PARD3: variants seen among roughly 807,000 people sequenced by gnomAD.
PARD3 encodes par-3 family cell polarity regulator, also known as partitioning defective 3 homolog.
A neutral mutation model predicts 155.4 loss-of-function variants in PARD3; 75 were observed. The observed-to-expected ratio is 0.48, with a 90% CI of 0.40 to 0.58. The LOEUF is 0.58. Ranked by LOEUF, PARD3 falls within the 20% of genes least tolerant of loss-of-function variation. The pLI, the probability that PARD3 is intolerant of heterozygous loss-of-function variation, is 0.00. For missense variants in PARD3, 1,642 were observed against 1,721.7 expected, an observed-to-expected ratio of 0.95 and a Z score of 0.82; for synonymous variants, 576 against 610.5, an observed-to-expected ratio of 0.94 and a Z score of 0.83.
At chr10:34,777,003 A>ATTTT (rs758917237) in intron 1 of PARD3, among the ~76,000 whole-genome samples, 2,197 of 122,320 alleles carry the variant, frequency 0.018, 120 homozygotes, top group African/African-American at 0.071. Flanking sequence ...TGTCTGGCTA[A>ATTTT]TTTTTTTTTT....
At chr10:34,548,330 AAC>A (rs374603106) in intron 2 of PARD3, among the ~76,000 whole-genome samples, 1 of 151,606 alleles carries the variant, frequency 6.6e-6, no homozygotes, top group East Asian at 1.9e-4. Flanking sequence ...CTCTACTAAA[AAC>A]ACACACACAC....
chr10:34,382,651 T>C lies in PARD3; in HGVS notation c.1288A>G (p.Lys430Glu). ...RLPHSAHPSGKPPSAPASAPQ... is the reference protein window; with the variant it reads ...RLPHSAHPSGEPPSAPASAPQ... ...GCCGAGGCTGGAGCGGATGGTGGTT[T>C]TCCCGAGGGGTGTGCGCTATGAGGT... is the stretch of plus-strand genomic sequence containing the variant. Residue 430 changes from lysine to glutamate, a missense_variant, in exon 9 of 25, where the codon AAA (lysine) becomes GAA (glutamate). Transcript: ENST00000374788. 2 of 1,614,134 alleles carry C rather than the reference T, an allele frequency of 1.2e-6. No homozygotes were observed. Among genetic ancestry groups the C allele is most frequent in the Non-Finnish European group, 1.7e-6 (2 of 1,180,038 alleles).
At chr10:34,396,036 A>G (rs1003129470) in intron 7 of PARD3, among the ~76,000 whole-genome samples, 2 of 152,096 alleles carry the variant, frequency 1.3e-5, no homozygotes, top group African/African-American at 4.8e-5. Context: ...TTTGAAAGTA[A>G]GCAGTGCAAG....
chr10:34,432,041 C>CAAAAAAAAGAAAAA (rs2075953536), intron 5 of PARD3, among the ~76,000 whole-genome samples: 1 of 21,596 alleles, frequency 4.6e-5, no homozygotes, highest in African/African-American at 1.2e-4. Flanking sequence ...GACTCTGTCT[C>CAAAAAAAAGAAAAA]AAAAAAAAAA....
intron 2 of PARD3, among the ~76,000 whole-genome samples, chr10:34,549,285 C>T (rs1438399131): frequency 6.6e-6 from 1 of 152,136 alleles, no homozygotes; most frequent in African/African-American, 2.4e-5. Context: ...AATTAATGTA[C>T]AAAACCCTAT....
chr10:34,674,056 T>C (rs1211471183), intron 2 of PARD3, among the ~76,000 whole-genome samples: 1 of 151,996 alleles, frequency 6.6e-6, no homozygotes, highest in Non-Finnish European at 1.5e-5. Context: ...AGCAAGTAGT[T>C]TTCTAACACA....
At chr10:34,482,353 A>T (rs1400486419) in intron 3 of PARD3, among the ~76,000 whole-genome samples, 1 of 151,608 alleles carries the variant, frequency 6.6e-6, no homozygotes, top group Admixed American at 6.6e-5. Context: ...TCTATTTTTT[A>T]AATTAATGGG....
intron 2 of PARD3, among the ~76,000 whole-genome samples, chr10:34,564,552 G>A (rs2085770508): frequency 6.6e-6 from 1 of 152,226 alleles, no homozygotes; most frequent in Non-Finnish European, 1.5e-5. Context: ...TGTGTGTGAT[G>A]GAGCTGCTGT....
chr10:34,472,154 C>T (rs998596116), intron 3 of PARD3, among the ~76,000 whole-genome samples: 8 of 152,278 alleles, frequency 5.3e-5, no homozygotes, highest in Admixed American at 1.3e-4. Flanking sequence ...GTCTGAGCAA[C>T]GTTACTAGGG....
chr10:34,692,883 T>A (rs2094096157), intron 2 of PARD3, among the ~76,000 whole-genome samples: 1 of 151,948 alleles, frequency 6.6e-6, no homozygotes, highest in South Asian at 2.1e-4. Context: ...CAAAACAAAG[T>A]GGACAAAGAA....
At position 34,180,320 on chromosome 10, in the gene PARD3, C is replaced by T. The variant is rs370276035; in HGVS notation, c.3420-48737G>A. ...TCAGCCACCCAAAGTGTTGGGATTA[C>T]AGGCATGAGCCAATGCGCCTGGACC... On this transcript the variant is annotated intron_variant, in intron 22 of 24. Transcript: ENST00000374788. Among the ~76,000 whole-genome samples, 19 of 152,324 alleles carry T rather than the reference C, an allele frequency of 1.2e-4. No homozygotes were observed. In the East Asian group the frequency reaches 3.5e-3, roughly 28 times the overall value.
intron 3 of PARD3, among the ~76,000 whole-genome samples, chr10:34,506,217 T>A (rs1190412820): frequency 6.6e-6 from 1 of 152,156 alleles, no homozygotes; most frequent in African/African-American, 2.4e-5. Context: ...AGTCAGGAGT[T>A]TGGAAATGCC....
intron 20 of PARD3, among the ~76,000 whole-genome samples, chr10:34,309,363 A>G (rs1957576175): frequency 6.6e-6 from 1 of 152,120 alleles, no homozygotes; most frequent in South Asian, 2.1e-4. Context: ...GTTTGAGACC[A>G]ACCTGGTCAA....
chr10:34,572,801 T>A (rs1033868075), intron 2 of PARD3, among the ~76,000 whole-genome samples: 6 of 152,150 alleles, frequency 3.9e-5, no homozygotes, highest in Admixed American at 3.3e-4. Flanking sequence ...GCCTGATTTT[T>A]TTTTTCTTTC....
chr10:34,359,197 G>A lies in PARD3; in HGVS notation c.2017C>T (p.Arg673Ter). ...RRSMSTEGNKRGMIQLIVARR... is the reference protein window; with the variant it reads ...RRSMSTEGNK Reference sequence around the variant, plus strand: ...GCAACAATAAGCTGGATCATTCCTCGTTTATTGCCTTCAGTAGACATAGAC... The same window carrying A: ...GCAACAATAAGCTGGATCATTCCTCATTTATTGCCTTCAGTAGACATAGAC... Residue 673 changes from arginine to a stop codon, truncating the protein, a stop_gained, in exon 14 of 25, where the codon CGA becomes TGA. Transcript: ENST00000374788. LOFTEE classifies it high-confidence loss of function. 5 of 1,613,814 alleles carry A rather than the reference G, an allele frequency of 3.1e-6. No homozygotes were observed. Among genetic ancestry groups the A allele is most frequent in the East Asian group, 4.5e-5 (2 of 44,848 alleles).
chr10:34,367,515 C>T (rs938801319), intron 12 of PARD3, among the ~76,000 whole-genome samples: 1 of 152,148 alleles, frequency 6.6e-6, no homozygotes, highest in South Asian at 2.1e-4. Flanking sequence ...ACCATCCTGG[C>T]CAACATGGTG....
chr10:34,732,260 T>C lies in PARD3; in HGVS notation c.121-35841A>G, dbSNP rs74134405. ...GTACAGCTAAGCCTCACAATGCAGG[T>C]CTTCTCAAGTACATGCAAAAGTAGT... On this transcript the variant is annotated intron_variant, in intron 1 of 24. Transcript: ENST00000374788. 8.6e-3 allele frequency among the ~76,000 whole-genome samples: 1,312 copies of C among 152,262 alleles called. 22 individuals carry two copies. The highest frequency in any genetic ancestry group is 0.03 in the African/African-American group (1,257 of 41,534).
intron 2 of PARD3, among the ~76,000 whole-genome samples, chr10:34,564,809 T>C (rs112649303): frequency 5.8e-4 from 88 of 152,364 alleles, no homozygotes; most frequent in Non-Finnish European, 8.8e-4. Context: ...TTTGATGATC[T>C]GTCTACAATT....
At chr10:34,166,585 T>C (rs997948659) in intron 22 of PARD3, among the ~76,000 whole-genome samples, 2 of 151,594 alleles carry the variant, frequency 1.3e-5, no homozygotes, top group African/African-American at 2.4e-5. Flanking sequence ...ACCATGACCA[T>C]GCCGCTTCAC....
Sources: allele counts gnomAD v4.1 joint callset (sites outside exome capture counted in the v4.1 genomes callset), GRCh38; gene constraint gnomAD v4.1.1; transcripts MANE v1.5; gene names NCBI Gene and HGNC (gene_info 2026-07-23, HGNC 2026-07-21).